The following SULT4A1 variants were observed in gnomAD, a reference collection of about 807,000 sequenced individuals.
The protein encoded by SULT4A1 is sulfotransferase 4A1.
SULT4A1 carries 11 observed loss-of-function variants against 35.2 expected under a neutral mutation model. The ratio of observed to expected loss-of-function variants is 0.31; its 90% confidence interval spans 0.20 to 0.52. SULT4A1 has a LOEUF of 0.52. Among genes scored for constraint, SULT4A1 ranks in the 20% least tolerant of loss-of-function variants. The pLI, the probability that SULT4A1 is intolerant of heterozygous loss-of-function variation, is 0.97. For synonymous variants in SULT4A1, 152 were observed against 151.8 expected (o/e 1.00, Z -0.01); for missense variants, 271 against 383.7 (o/e 0.71, Z 2.45).
intron 1 of SULT4A1, among the ~76,000 whole-genome samples, chr22:43,858,049 CAA>C (rs11362056): frequency 4.5e-4 from 41 of 91,740 alleles, no homozygotes; most frequent in South Asian, 1.3e-3. Flanking sequence ...GATCCTGTCT[CAA>C]AAAAAAAAAA....
At chr22:43,832,724 C>T (rs1157008357) in intron 5 of SULT4A1, among the ~76,000 whole-genome samples, 2 of 152,174 alleles carry the variant, frequency 1.3e-5, no homozygotes, top group Non-Finnish European at 2.9e-5. Context: ...CATAGGGGAC[C>T]TCGTGTGGCT....
rs903939763 is a variant in SULT4A1 at position 43,862,372 on chromosome 22, C to A, written c.11G>T (p.Ser4Ile). The part of the protein sequence containing the change: MAE[S>I]EAETPSTPGE... ...CGGGGTGCTGGGGGTCTCGGCCTCG[C>A]TCTCCGCCATGCCGCCGCCGTCGCC... is the stretch of plus-strand genomic sequence containing the variant. The change falls in exon 1 of 7, where the codon AGC (serine) becomes ATC (isoleucine). Residue 4 changes from serine to isoleucine, a missense_variant. Coordinates refer to ENST00000330884, the MANE Select transcript of SULT4A1 (RefSeq NM_014351.4). 56 of 1,408,704 alleles carry A rather than the reference C, an allele frequency of 4.0e-5. No individual in the cohort carries two copies. Among genetic ancestry groups the A allele is most frequent in the Non-Finnish European group, 5.1e-5 (54 of 1,063,702 alleles). 87.3% of individuals were successfully genotyped at this position (1,408,704 alleles called of 1,614,324 possible). A position where few individuals can be genotyped will look rare whatever the true frequency, so the allele number is the denominator to read the frequency against.
At chr22:43,856,083 C>T (rs1198452988) in intron 1 of SULT4A1, among the ~76,000 whole-genome samples, 1 of 152,218 alleles carries the variant, frequency 6.6e-6, no homozygotes, top group African/African-American at 2.4e-5. Flanking sequence ...GGCTCTTCTC[C>T]AGACCTAGGC....
intron 1 of SULT4A1, among the ~76,000 whole-genome samples, chr22:43,852,347 T>C (rs1287780683): frequency 8.4e-6 from 1 of 119,080 alleles, no homozygotes; most frequent in Admixed American, 8.7e-5. Context: ...TTTTTTTTGT[T>C]GTTTTTTTTT....
Position 43,829,082 on chromosome 22 carries a change from A to C in SULT4A1, c.720T>G (p.Ala240=). ...CHQLVDQCCN[A]EALPVGRGRV... ...TACCCCGGCCCACGGGCAGGGCCTC[A>C]GCGTTGCAGCACTGGTCCACCAGCT... The change falls in exon 6 of 7, where the codon GCT becomes GCG. Residue 240 remains alanine (A), a synonymous_variant. Transcript: ENST00000330884. 1.3e-6 allele frequency: 2 copies of C among 1,543,568 alleles called. No homozygotes were observed. Among genetic ancestry groups the C allele is most frequent in the Non-Finnish European group, 1.8e-6 (2 of 1,142,030 alleles).
chr22:43,858,549 T>C, intron 1 of SULT4A1, among the ~76,000 whole-genome samples: 1 of 152,094 alleles, frequency 6.6e-6, no homozygotes, highest in East Asian at 1.9e-4. Context: ...AACCACACGT[T>C]CCATTCTTCA....
chr22:43,855,063 A>G (rs1415809390), intron 1 of SULT4A1, among the ~76,000 whole-genome samples: 1 of 152,124 alleles, frequency 6.6e-6, no homozygotes, highest in East Asian at 1.9e-4. Context: ...ACTCAATGTA[A>G]TTCCCCACAG....
chr22:43,851,478 C>T (rs1015506541), intron 1 of SULT4A1, among the ~76,000 whole-genome samples: 2 of 152,114 alleles, frequency 1.3e-5, no homozygotes, highest in East Asian at 1.9e-4. Flanking sequence ...AAGGAGAGAC[C>T]GTGGGAGCAG....
intron 1 of SULT4A1, among the ~76,000 whole-genome samples, chr22:43,842,648 C>T (rs1355901385): frequency 6.6e-6 from 1 of 152,182 alleles, no homozygotes; most frequent in Non-Finnish European, 1.5e-5. Context: ...TGACGGAGTC[C>T]TCCCACCCCA....
intron 6 of SULT4A1, 67 bp from the exon 7 acceptor site, chr22:43,826,180 C>A (rs2063285762): frequency 6.3e-7 from 1 of 1,597,278 alleles, no homozygotes; most frequent in African/African-American, 1.4e-5. Flanking sequence ...CTAAAGGAAG[C>A]CTTGGAAATG....
intron 4 of SULT4A1, among the ~76,000 whole-genome samples, chr22:43,837,756 C>G (rs1401705616): frequency 6.6e-6 from 1 of 152,222 alleles, no homozygotes; most frequent in Non-Finnish European, 1.5e-5. Context: ...TCCCCTTCAA[C>G]CAGGCCTGGC....
chr22:43,853,904 G>A (rs909384545), intron 1 of SULT4A1, among the ~76,000 whole-genome samples: 1 of 152,338 alleles, frequency 6.6e-6, no homozygotes, highest in African/African-American at 2.4e-5. Flanking sequence ...AAGAGGCTCC[G>A]CCCTTGTGTG....
At chr22:43,853,443 C>T (rs1423598990) in intron 1 of SULT4A1, among the ~76,000 whole-genome samples, 2 of 152,238 alleles carry the variant, frequency 1.3e-5, no homozygotes, top group African/African-American at 4.8e-5. Context: ...CACTCTGGGC[C>T]ACGTCCACAG....
At chr22:43,839,509 G>A (rs1252590436) in intron 3 of SULT4A1, among the ~76,000 whole-genome samples, 2 of 152,122 alleles carry the variant, frequency 1.3e-5, no homozygotes, top group Admixed American at 6.6e-5. Flanking sequence ...CAGGAGAATC[G>A]CTTGAACCAG....
intron 1 of SULT4A1, among the ~76,000 whole-genome samples, chr22:43,853,482 A>T (rs1205385965): frequency 6.6e-6 from 1 of 152,218 alleles, no homozygotes; most frequent in Non-Finnish European, 1.5e-5. Context: ...CAGAGCGGAA[A>T]CAGGCACAGT....
intron 3 of SULT4A1, 54 bp downstream of exon 3, chr22:43,839,891 T>G: frequency 6.6e-7 from 1 of 1,526,004 alleles, no homozygotes; most frequent in Non-Finnish European, 8.9e-7. Flanking sequence ...ACAGGGACCT[T>G]GGGCTCCTCT....
intron 2 of SULT4A1, among the ~76,000 whole-genome samples, 176 bp downstream of exon 2, chr22:43,841,626 C>T (rs2063429730): frequency 6.6e-6 from 1 of 152,156 alleles, no homozygotes; most frequent in Admixed American, 6.5e-5. Context: ...CACCCACGCC[C>T]TCATCGGGTT....
chr22:43,825,804 T>C lies in SULT4A1; in HGVS notation c.*197A>G, dbSNP rs1166358261. On this transcript the variant is annotated 3_prime_UTR_variant, in exon 7 of 7. Transcript: ENST00000330884. Reference sequence around the variant, plus strand: ...TGTTTGTAATCAGACATGGAGAGGCTGCACGTTCTAAAGGCGAGACAGCTG... The same window carrying C: ...TGTTTGTAATCAGACATGGAGAGGCCGCACGTTCTAAAGGCGAGACAGCTG... 9 of 573,018 alleles carry C rather than the reference T, an allele frequency of 1.6e-5. No homozygotes were observed. Among genetic ancestry groups the C allele is most frequent in the Non-Finnish European group, 2.8e-5 (9 of 323,158 alleles). 35.5% of individuals were successfully genotyped at this position (573,018 alleles called of 1,614,324 possible).
Position 43,838,995 on chromosome 22 carries a change from T to C in SULT4A1, c.382-2A>G. ...GGGGTTGCGAGCCATATAGATGACC[T>C]GTGGGTGACAGGAGCAGGATGAGTC... On this transcript the variant is annotated splice_acceptor_variant, in intron 3 of 6. Transcript: ENST00000330884. LOFTEE classifies it high-confidence loss of function. 6.2e-7 allele frequency: 1 copy of C among 1,613,966 alleles called. No homozygotes were observed. Among genetic ancestry groups the C allele is most frequent in the Non-Finnish European group, 8.5e-7 (1 of 1,179,870 alleles).
Sources: allele counts gnomAD v4.1 joint callset (sites outside exome capture counted in the v4.1 genomes callset), GRCh38; gene constraint gnomAD v4.1.1; transcripts MANE v1.5; gene names NCBI Gene and HGNC (gene_info 2026-07-23, HGNC 2026-07-21).